STXBP5: variants seen among roughly 807,000 people sequenced by gnomAD.
The protein encoded by STXBP5 is syntaxin-binding protein 5.
Under a neutral mutation model 152.4 loss-of-function variants are expected in STXBP5, and 50 were observed. The ratio of observed to expected loss-of-function variants is 0.33; its 90% CI spans 0.26 to 0.42. The LOEUF is 0.42. Ranked by LOEUF, STXBP5 falls within the 10% of genes least tolerant of loss-of-function variation. The pLI is 1.00. For synonymous variants in STXBP5, 492 were observed against 494.7 expected (o/e 0.99, Z 0.07); for missense variants, 1,167 against 1,388.6 (o/e 0.84, Z 2.54).
At chr6:147,292,798 C>T (rs1269403072) in intron 9 of STXBP5, 2 of 152,144 alleles carry the variant, frequency 1.3e-5, no homozygotes, top group Non-Finnish European at 2.9e-5. Flanking sequence ...CTCTGTGCTT[C>T]ACCTGTTCCA....
Position 147,348,091 on chromosome 6 carries a change from C to G in STXBP5, c.2255-5232C>G, listed in dbSNP as rs531569764. Among the ~76,000 whole-genome samples, 56 of 152,236 alleles carry G rather than the reference C, an allele frequency of 3.7e-4. 1 individual carries two copies. Among genetic ancestry groups the G allele is most frequent in the African/African-American group, 1.3e-3 (54 of 41,542 alleles). On this transcript the variant is annotated intron_variant, in intron 21 of 27. Transcript: ENST00000321680. ...ATTATATCTGGTTAACAATTGCTCTCTGAAGTTTTCCCAGCTTTACACTAA... is the reference window on the plus strand; with the variant it reads ...ATTATATCTGGTTAACAATTGCTCTGTGAAGTTTTCCCAGCTTTACACTAA...
rs371994306 is a variant in STXBP5 at position 147,280,244 on chromosome 6, ACGTGC to A, written c.838+2042_838+2046del. On this transcript the variant is annotated intron_variant, in intron 8 of 27. Transcript: ENST00000321680. Reference sequence around the variant, plus strand: ...GATTATAGGTCAGTTATTTTATAGAACGTGCCTCAGTATGGTTTTGTCTCATGTTT... The same window carrying A: ...GATTATAGGTCAGTTATTTTATAGAACTCAGTATGGTTTTGTCTCATGTTT... Among the ~76,000 whole-genome samples the A allele has an allele frequency of 2.9e-3, 436 of 152,178 alleles. 3 individuals are homozygous for A. Among genetic ancestry groups the A allele is most frequent in the African/African-American group, 9.6e-3 (397 of 41,524 alleles).
intron 2 of STXBP5, among the ~76,000 whole-genome samples, chr6:147,223,248 A>G (rs1777548298): frequency 6.6e-6 from 1 of 152,172 alleles, no homozygotes; most frequent in African/African-American, 2.4e-5. Context: ...GGAATGGGGT[A>G]CTCTAAAACT....
intron 9 of STXBP5, among the ~76,000 whole-genome samples, chr6:147,303,553 G>A (rs1435971568): frequency 6.6e-6 from 1 of 152,150 alleles, no homozygotes. Context: ...GGGCACTGCT[G>A]AAAAGATATC....
At chr6:147,296,233 A>G (rs1781517084) in intron 9 of STXBP5, among the ~76,000 whole-genome samples, 1 of 152,054 alleles carries the variant, frequency 6.6e-6, no homozygotes, top group African/African-American at 2.4e-5. Flanking sequence ...GAAAAAAAAA[A>G]GCTCAGCAAA....
chr6:147,339,011 A>G (rs1783968155), intron 19 of STXBP5, among the ~76,000 whole-genome samples, 168 bp from the exon 20 acceptor site: 1 of 151,944 alleles, frequency 6.6e-6, no homozygotes, highest in Non-Finnish European at 1.5e-5. Flanking sequence ...CTATACTGTA[A>G]TAGTATAAGA....
chr6:147,304,556 A>G (rs1475459999), intron 9 of STXBP5, among the ~76,000 whole-genome samples: 1 of 151,994 alleles, frequency 6.6e-6, no homozygotes, highest in Non-Finnish European at 1.5e-5. Flanking sequence ...TGCCTAGTAG[A>G]GCTGTGAGAA....
chr6:147,317,261 A>G (rs1377501191), intron 16 of STXBP5, among the ~76,000 whole-genome samples: 2 of 152,206 alleles, frequency 1.3e-5, no homozygotes, highest in African/African-American at 2.4e-5. Flanking sequence ...TGGTAGATAA[A>G]TAATTTCTGG....
chr6:147,349,987 A>G (rs1455591560), intron 21 of STXBP5, among the ~76,000 whole-genome samples: 1 of 152,214 alleles, frequency 6.6e-6, no homozygotes, highest in Non-Finnish European at 1.5e-5. Flanking sequence ...TGGCTGAAGT[A>G]TCTGTCAAAG....
intron 2 of STXBP5, 88 bp downstream of exon 2, chr6:147,206,156 A>G: frequency 3.4e-6 from 4 of 1,160,586 alleles, no homozygotes; most frequent in Non-Finnish European, 3.8e-6. Flanking sequence ...GAAAGTTTTT[A>G]TTTTCCTGTT....
chr6:147,236,264 C>T (rs1197229816), intron 3 of STXBP5, among the ~76,000 whole-genome samples: 2 of 152,116 alleles, frequency 1.3e-5, no homozygotes, highest in African/African-American at 4.8e-5. Flanking sequence ...TTTTTAAAAA[C>T]TTCAGTATCC....
chr6:147,345,368 C>T (rs1055597507), intron 21 of STXBP5, among the ~76,000 whole-genome samples: 1 of 152,166 alleles, frequency 6.6e-6, no homozygotes, highest in Non-Finnish European at 1.5e-5. Flanking sequence ...ACATACGATA[C>T]ATGACAAGAG....
intron 2 of STXBP5, among the ~76,000 whole-genome samples, chr6:147,218,807 T>G (rs770804235): frequency 6.6e-6 from 1 of 152,248 alleles, no homozygotes; most frequent in Non-Finnish European, 1.5e-5. Context: ...TTGCATATCC[T>G]GGCCACCTTG....
chr6:147,321,403 A>G (rs1782927642), intron 16 of STXBP5, among the ~76,000 whole-genome samples: 1 of 152,138 alleles, frequency 6.6e-6, no homozygotes, highest in African/African-American at 2.4e-5. Context: ...TCTGGATAAC[A>G]TAGTAAGATA....
chr6:147,240,449 T>A (rs1778486968), intron 4 of STXBP5, among the ~76,000 whole-genome samples: 1 of 152,138 alleles, frequency 6.6e-6, no homozygotes, highest in South Asian at 2.1e-4. Context: ...TCTTTTTTAA[T>A]ATATATTTTG....
intron 13 of STXBP5, 43 bp from the exon 14 acceptor site, chr6:147,314,553 A>G: frequency 6.3e-7 from 1 of 1,590,828 alleles, no homozygotes; most frequent in Non-Finnish European, 8.6e-7. Flanking sequence ...AGAAGGAAGA[A>G]CTGTAATTTT....
At position 147,314,295 on chromosome 6, in the gene STXBP5, T is replaced by C; in HGVS notation, c.1325T>C (p.Leu442Ser). 6.2e-7 allele frequency: 1 copy of C among 1,612,982 alleles called. No homozygotes were observed. Among genetic ancestry groups the C allele is most frequent in the Non-Finnish European group, 8.5e-7 (1 of 1,179,038 alleles). The change falls in exon 13 of 28, where the codon TTG (leucine) becomes TCG (serine). Residue 442 changes from leucine to serine, a missense_variant. Around this residue, in one of 3 missense-constraint regions of STXBP5, gnomAD observed 833 missense variants for 986.3 expected, o/e 0.84. Transcript: ENST00000321680. ...CCCATCAACGGAGGTAATTGGGGCT[T>C]GGGTGCTCAAAGTTACCCAGAAATA... ...EWPINGGNWG[L>S]GAQSYPEIII... is the part of the protein sequence containing the mutation.
At chr6:147,368,722 C>G (rs906075118) in intron 25 of STXBP5, among the ~76,000 whole-genome samples, 11 of 151,840 alleles carry the variant, frequency 7.2e-5, no homozygotes, top group African/African-American at 2.7e-4. Context: ...ATAAAGGATA[C>G]TAGAATTAAT....
chr6:147,371,107 G>A (rs1049691601), intron 25 of STXBP5, among the ~76,000 whole-genome samples: 7 of 151,952 alleles, frequency 4.6e-5, no homozygotes, highest in Admixed American at 2.6e-4. Flanking sequence ...TAAGTCCAAT[G>A]TCTTGTTTCA....
Sources: gnomAD v4.1 joint callset for allele counts (sites outside exome capture counted in the v4.1 genomes callset) on GRCh38, gnomAD v4.1.1 for gene constraint, gnomAD v4.1.1 regional missense constraint, MANE v1.5 for transcripts, NCBI Gene and HGNC (gene_info 2026-07-23, HGNC 2026-07-21) for gene names.